SFSWAP: variants seen among roughly 807,000 people sequenced by gnomAD.
SFSWAP encodes splicing factor, suppressor of white-apricot homolog.
Under a neutral mutation model 100.7 loss-of-function variants are expected in SFSWAP, and 17 were observed. The observed-to-expected ratio is 0.17, with a 90% CI of 0.12 to 0.25. The LOEUF (loss-of-function observed/expected upper bound fraction) is 0.25, where lower values mean the gene tolerates loss of function less well. Ranked by LOEUF, SFSWAP falls within the 10% of genes least tolerant of loss-of-function variation. The probability of loss-of-function intolerance (pLI) is 1.00; values close to 1 mark genes in which losing one functional copy is unlikely to be tolerated. For synonymous variants in SFSWAP, 504 were observed against 510.1 expected (o/e 0.99, Z 0.16); for missense variants, 1,005 against 1,262.6 (o/e 0.80, Z 3.09).
At position 131,753,357 on chromosome 12, in the gene SFSWAP, C is replaced by T; in HGVS notation, c.1316C>T (p.Thr439Ile). 6.2e-7 allele frequency: 1 copy of T among 1,612,632 alleles called. No homozygotes were observed. The highest frequency in any genetic ancestry group is 1.1e-5 in the South Asian group (1 of 91,022). Residue 439 changes from threonine to isoleucine, a missense_variant, in exon 8 of 18, where the codon ACC becomes ATC. Around this residue, in one of 7 missense-constraint regions of SFSWAP, gnomAD observed 311 missense variants for 317.8 expected, o/e 0.98. Coordinates refer to ENST00000261674, the MANE Select transcript of SFSWAP (RefSeq NM_004592.4). ...TSSGATSTTT[T>I]TSALAPVAAI... Reference sequence around the variant, plus strand: ...AGCGGGGCCACCTCCACAACCACCACCACAAGGTAGGTGCAGCGTCCACCG... The same window carrying T: ...AGCGGGGCCACCTCCACAACCACCATCACAAGGTAGGTGCAGCGTCCACCG...
In SFSWAP at chr12:131,734,558, A is replaced by G. The variant is rs1036705545; in HGVS notation, c.1081+6130A>G. 3.3e-5 allele frequency among the ~76,000 whole-genome samples: 5 copies of G among 152,206 alleles called. No individual in the cohort carries two copies. The highest frequency in any genetic ancestry group is 9.6e-5 in the African/African-American group (4 of 41,454). On this transcript the variant is annotated intron_variant, in intron 7 of 17. Coordinates refer to ENST00000261674, the MANE Select transcript of SFSWAP (RefSeq NM_004592.4). The surrounding 1 kb of genome is among the most constrained non-coding windows in gnomAD (Gnocchi z 4.9). Reference sequence around the variant, plus strand: ...TACACAGACATGTGTGGGCTTGTGCATGTTTGAATGCCCTGTGGACCCGGA... The same window carrying G: ...TACACAGACATGTGTGGGCTTGTGCGTGTTTGAATGCCCTGTGGACCCGGA...
intron 9 of SFSWAP, 120 bp from the exon 10 acceptor site, chr12:131,755,266 A>T: frequency 1.4e-6 from 1 of 714,660 alleles, no homozygotes; most frequent in South Asian, 1.8e-5. Flanking sequence ...ATGAGTAGCT[A>T]AAACAGTAAC....
At chr12:131,740,209 GCTCT>G (rs1479073319) in intron 7 of SFSWAP, among the ~76,000 whole-genome samples, 1 of 152,116 alleles carries the variant, frequency 6.6e-6, no homozygotes, top group African/African-American at 2.4e-5. Flanking sequence ...CTCCTATGCT[GCTCT>G]CTGAGTTTTT....
chr12:131,731,826 G>A (rs1218742875), intron 7 of SFSWAP, among the ~76,000 whole-genome samples: 3 of 151,192 alleles, frequency 2.0e-5, no homozygotes, highest in Non-Finnish European at 4.4e-5. Flanking sequence ...CTCTCAAATT[G>A]GCATTTGGTT....
intron 7 of SFSWAP, among the ~76,000 whole-genome samples, chr12:131,743,453 G>A (rs1880841862): frequency 6.6e-6 from 1 of 152,226 alleles, no homozygotes; most frequent in African/African-American, 2.4e-5. Context: ...CCAAAATCTA[G>A]CAAGGCAGTC....
intron 7 of SFSWAP, among the ~76,000 whole-genome samples, 195 bp downstream of exon 7, chr12:131,728,623 T>A (rs868340742): frequency 9.2e-5 from 14 of 152,020 alleles, no homozygotes; most frequent in Non-Finnish European, 1.8e-4. Context: ...GCAAGATGGC[T>A]GCCCTACTCC....
At chr12:131,766,003 A>C in intron 12 of SFSWAP, 115 bp from the exon 13 acceptor site, 2 of 1,011,738 alleles carry the variant, frequency 2.0e-6, no homozygotes, top group Non-Finnish European at 2.9e-6. Flanking sequence ...GTATGTACCT[A>C]TTCAGAAACT....
intron 15 of SFSWAP, among the ~76,000 whole-genome samples, chr12:131,791,085 G>A (rs528721687): frequency 6.6e-6 from 1 of 152,320 alleles, no homozygotes; most frequent in East Asian, 1.9e-4. Context: ...GGCAGTGATT[G>A]TGGAGTGGAT....
At chr12:131,786,404 GC>G in intron 14 of SFSWAP, 58 bp from the exon 15 acceptor site, 1 of 1,527,720 alleles carries the variant, frequency 6.5e-7, no homozygotes, top group Non-Finnish European at 8.8e-7. Context: ...GCAGTAGGAA[GC>G]ATGACACGTC....
At chr12:131,771,280 A>C (rs1883573004) in intron 13 of SFSWAP, among the ~76,000 whole-genome samples, 2 of 152,060 alleles carry the variant, frequency 1.3e-5, no homozygotes, top group Non-Finnish European at 2.9e-5. Context: ...TGACCGAATG[A>C]CTTTAAGTAG....
intron 7 of SFSWAP, among the ~76,000 whole-genome samples, chr12:131,748,875 T>C (rs187083343): frequency 6.6e-6 from 1 of 152,246 alleles, no homozygotes; most frequent in South Asian, 2.1e-4. Flanking sequence ...GTAGTACTCA[T>C]AGCGTTTATT....
chr12:131,750,931 A>T (rs1881565247), intron 7 of SFSWAP, among the ~76,000 whole-genome samples: 1 of 152,144 alleles, frequency 6.6e-6, no homozygotes, highest in Non-Finnish European at 1.5e-5. Flanking sequence ...ACCTCAGCCT[A>T]CCAAAGTGCT....
intron 7 of SFSWAP, among the ~76,000 whole-genome samples, chr12:131,739,015 GACCACAGGCATGTGCC>G (rs1275442012): frequency 1.4e-5 from 2 of 144,632 alleles, no homozygotes; most frequent in Non-Finnish European, 3.0e-5. Context: ...GACCAGCTGG[GACCACAGGCATGTGCC>G]ACCACACCTG....
intron 7 of SFSWAP, among the ~76,000 whole-genome samples, chr12:131,746,534 T>A (rs1881118249): frequency 6.6e-6 from 1 of 152,246 alleles, no homozygotes; most frequent in African/African-American, 2.4e-5. Flanking sequence ...CCAGTGCTTT[T>A]CTGTGACTTC....
chr12:131,768,681 G>A lies in SFSWAP; in HGVS notation c.2142+2373G>A, dbSNP rs369068210. On this transcript the variant is annotated intron_variant, in intron 13 of 17. Coordinates refer to ENST00000261674, the MANE Select transcript of SFSWAP (RefSeq NM_004592.4). Reference sequence around the variant, plus strand: ...CATTTGACATGCCAGCCCCAGAAACGAACATTTTCAGGCAAGGTGGGAACC... The same window carrying A: ...CATTTGACATGCCAGCCCCAGAAACAAACATTTTCAGGCAAGGTGGGAACC... Among the ~76,000 whole-genome samples, 7 of 152,232 alleles carry A rather than the reference G, an allele frequency of 4.6e-5. No individual in the cohort carries two copies. The South Asian group carries it at 1.0e-3, about 23-fold the overall frequency.
intron 3 of SFSWAP, among the ~76,000 whole-genome samples, chr12:131,719,223 CCTT>C (rs571820430): frequency 7.0e-4 from 107 of 152,206 alleles, no homozygotes; most frequent in African/African-American, 2.5e-3. Context: ...TATACACACT[CCTT>C]CTGCTGCACC....
At chr12:131,785,524 C>A in intron 14 of SFSWAP, 2 of 284,804 alleles carry the variant, frequency 7.0e-6, no homozygotes, top group East Asian at 7.9e-5. Context: ...TGTTTTTTTT[C>A]CAGATTTGTG....
intron 5 of SFSWAP, among the ~76,000 whole-genome samples, chr12:131,726,367 G>A (rs1010670713): frequency 3.3e-5 from 5 of 152,180 alleles, no homozygotes; most frequent in Non-Finnish European, 7.4e-5. Flanking sequence ...GTGCCACCAC[G>A]CCCGGCTAAT....
chr12:131,732,013 G>A (rs537956784), intron 7 of SFSWAP, among the ~76,000 whole-genome samples: 3 of 146,316 alleles, frequency 2.1e-5, no homozygotes, highest in East Asian at 2.2e-4. Context: ...GGGTTCAAGC[G>A]AGTCTCCTGC....
Sources: allele counts gnomAD v4.1 joint callset (sites outside exome capture counted in the v4.1 genomes callset), GRCh38; gene constraint gnomAD v4.1.1; regional missense constraint gnomAD v4.1.1; non-coding constraint Gnocchi (gnomAD v3.1); transcripts MANE v1.5; gene names NCBI Gene and HGNC (gene_info 2026-07-23, HGNC 2026-07-21).